Variants in UBE2O observed in about 807,000 individuals in gnomAD.
UBE2O encodes the protein (E3-independent) E2 ubiquitin-conjugating enzyme.
In UBE2O, 15 loss-of-function variants were observed where a neutral mutation model predicts 125.8. That is an observed-to-expected ratio of 0.12 (90% CI 0.08 to 0.18). UBE2O has a LOEUF of 0.18. UBE2O is among the 10% of genes least tolerant of loss of function. The pLI, the probability that UBE2O is intolerant of heterozygous loss-of-function variation, is 1.00. For missense variants in UBE2O, 1,280 were observed against 1,723.6 expected (o/e 0.74, Z 4.56); for synonymous variants, 708 against 703.2 (o/e 1.01, Z -0.11).
rs1258678533 is a variant in UBE2O at position 76,390,141 on chromosome 17, G to GC, written c.*801dup. Reference sequence around the variant, plus strand: ...AGTGTGACCATGTGATGGGGGAGGGGCCCTAGCACTTGCCCTGGCCTTGTG... The same window carrying GC: ...AGTGTGACCATGTGATGGGGGAGGGGCCCCTAGCACTTGCCCTGGCCTTGTG... On this transcript the variant is annotated 3_prime_UTR_variant, in exon 18 of 18. Coordinates refer to ENST00000319380, the MANE Select transcript of UBE2O (RefSeq NM_022066.4). The GC allele has an allele frequency of 2.0e-5, 3 of 152,754 alleles. No homozygotes were observed. The highest frequency in any genetic ancestry group is 7.2e-5 in the African/African-American group (3 of 41,582). 9.5% of individuals were successfully genotyped at this position (152,754 alleles called of 1,614,324 possible).
rs1326803461 is a variant in UBE2O at position 76,395,042 on chromosome 17, A to T, written c.2946+683T>A. Among the ~76,000 whole-genome samples the T allele has an allele frequency of 1.2e-5, 1 of 86,268 alleles. No individual in the cohort carries two copies. Among genetic ancestry groups the T allele is most frequent in the Non-Finnish European group, 2.7e-5 (1 of 36,760 alleles). The allele number at this position is 86,268 out of a possible 152,430, so 56.6% of individuals were successfully genotyped here. On this transcript the variant is annotated intron_variant, in intron 15 of 17. Coordinates refer to ENST00000319380, the MANE Select transcript of UBE2O (RefSeq NM_022066.4). The surrounding 1 kb of genome is among the most constrained non-coding windows in gnomAD (Gnocchi z 5.0). ...TGGCACCCGCCACCACATCCGGCTA[A>T]TTTTTGTATTTTTAGTAGAGACAGG...
At chr17:76,446,314 A>G (rs1242853491) in intron 1 of UBE2O, among the ~76,000 whole-genome samples, 1 of 152,200 alleles carries the variant, frequency 6.6e-6, no homozygotes, top group Non-Finnish European at 1.5e-5. Context: ...CTGGCAATTC[A>G]TGTTATACAC....
At chr17:76,435,799 G>T (rs964649501) in intron 1 of UBE2O, among the ~76,000 whole-genome samples, 2 of 152,162 alleles carry the variant, frequency 1.3e-5, no homozygotes, top group African/African-American at 4.8e-5. Context: ...TGAGCTGAAG[G>T]CACGACAGAC....
At position 76,403,918 on chromosome 17, in the gene UBE2O, G is replaced by A. The variant is rs933273983; in HGVS notation, c.589-1219C>T. Among the ~76,000 whole-genome samples, 8 of 152,098 alleles carry A rather than the reference G, an allele frequency of 5.3e-5. No individual in the cohort carries two copies. In the East Asian group the frequency reaches 1.4e-3, roughly 26 times the overall value. On this transcript the variant is annotated intron_variant, in intron 3 of 17. Transcript: ENST00000319380. ...AAGGGGTTCCCACTGGCTAAATCTG[G>A]GACCATCCAAGCAACAGAACAGATA...
chr17:76,413,969 T>G (rs2072557630), intron 1 of UBE2O, among the ~76,000 whole-genome samples: 1 of 152,216 alleles, frequency 6.6e-6, no homozygotes, highest in Admixed American at 6.5e-5. Flanking sequence ...GGACTGGATT[T>G]GAGGATGTGA....
chr17:76,413,554 CAT>C (rs1230953817), intron 1 of UBE2O, among the ~76,000 whole-genome samples: 2 of 152,164 alleles, frequency 1.3e-5, no homozygotes, highest in Admixed American at 1.3e-4. Context: ...CGTTCAGTTG[CAT>C]ATATAACACG....
At chr17:76,426,281 G>A (rs1433053179) in intron 1 of UBE2O, among the ~76,000 whole-genome samples, 2 of 152,170 alleles carry the variant, frequency 1.3e-5, no homozygotes, top group African/African-American at 2.4e-5. Context: ...GATTACAGGC[G>A]TGAACCACCA....
chr17:76,424,910 A>T lies in UBE2O; in HGVS notation c.418-19338T>A, dbSNP rs200616282. On this transcript the variant is annotated intron_variant, in intron 1 of 17. Transcript: ENST00000319380. ...GACAGAGTCTCGCCCTCACCCTGTC[A>T]CCCAGGCTGGAGTGCAGTGGCGCGA... Among the ~76,000 whole-genome samples, 8 of 145,716 alleles carry T rather than the reference A, an allele frequency of 5.5e-5. No homozygotes were observed. In the East Asian group the frequency reaches 1.6e-3, roughly 29 times the overall value.
intron 1 of UBE2O, among the ~76,000 whole-genome samples, chr17:76,426,623 A>G (rs2072815067): frequency 1.3e-5 from 2 of 152,214 alleles, no homozygotes; most frequent in South Asian, 4.1e-4. Context: ...GAACATGTCT[A>G]CTTGACTCAG....
At position 76,399,190 on chromosome 17, in the gene UBE2O, C is replaced by G; in HGVS notation, c.1629-199G>C. On this transcript the variant is annotated intron_variant, in intron 9 of 17. Coordinates refer to ENST00000319380, the MANE Select transcript of UBE2O (RefSeq NM_022066.4). The surrounding 1 kb of genome is among the most constrained non-coding windows in gnomAD (Gnocchi z 6.9). ...ACGCATTCTCTGAGAACAGGATCCA[C>G]TTGGGAGAGCTCAGGCAAATGTGGT... The G allele has an allele frequency of 5.1e-6, 4 of 778,712 alleles. No homozygotes were observed. Among genetic ancestry groups the G allele is most frequent in the Non-Finnish European group, 8.0e-6 (4 of 499,136 alleles). 48.2% of individuals were successfully genotyped at this position (778,712 alleles called of 1,614,324 possible).
chr17:76,438,482 C>T (rs769456504), intron 1 of UBE2O, among the ~76,000 whole-genome samples: 4 of 152,130 alleles, frequency 2.6e-5, no homozygotes, highest in East Asian at 1.9e-4. Context: ...CTCAGCTGTA[C>T]GTGCAAGGCT....
intron 15 of UBE2O, among the ~76,000 whole-genome samples, chr17:76,394,999 C>T (rs562658295): frequency 3.8e-4 from 57 of 151,916 alleles, no homozygotes; most frequent in African/African-American, 1.3e-3. Flanking sequence ...CCTCAGTCTC[C>T]CGAGTAGCTG....
In UBE2O at chr17:76,395,627, A is replaced by C; in HGVS notation, c.2946+98T>G. The C allele has an allele frequency of 6.9e-7, 1 of 1,456,734 alleles. No homozygotes were observed. Among genetic ancestry groups the C allele is most frequent in the Non-Finnish European group, 9.2e-7 (1 of 1,084,568 alleles). 90.2% of individuals were successfully genotyped at this position (1,456,734 alleles called of 1,614,324 possible). ...GTGGGTGAGTGTCCTCGCAGGTGCC[A>C]GTCAGCCCCGGAGGTTTGGGGACCC... On this transcript the variant is annotated intron_variant, in intron 15 of 17. Coordinates refer to ENST00000319380, the MANE Select transcript of UBE2O (RefSeq NM_022066.4). This position sits in a 1 kb window ranked among gnomAD's most constrained non-coding sequence, Gnocchi z 5.0.
At chr17:76,414,445 G>A (rs1567841984) in intron 1 of UBE2O, among the ~76,000 whole-genome samples, 1 of 152,224 alleles carries the variant, frequency 6.6e-6, no homozygotes, top group Non-Finnish European at 1.5e-5. Context: ...GCTGGGTGGG[G>A]AGACCAGAAA....
intron 1 of UBE2O, among the ~76,000 whole-genome samples, chr17:76,449,356 C>G (rs1029018097): frequency 6.6e-6 from 1 of 152,270 alleles, no homozygotes; most frequent in Non-Finnish European, 1.5e-5. Context: ...CGGTGAATCA[C>G]TTGAGGCCAG....
At chr17:76,420,882 A>AC (rs2072700076) in intron 1 of UBE2O, among the ~76,000 whole-genome samples, 1 of 151,248 alleles carries the variant, frequency 6.6e-6, no homozygotes, top group South Asian at 2.1e-4. Flanking sequence ...CTTGTCACTC[A>AC]CCCCCCTAGA....
Position 76,399,640 on chromosome 17 carries a change from G to A in UBE2O, c.1437C>T (p.Asp479=), listed in dbSNP as rs756288445. Reference sequence around the variant, plus strand: ...TGTCATCAGCAGCCTCATCATCTGCGTCCTGCTCTGCCGAGTGCAGCCTGT... The same window carrying A: ...TGTCATCAGCAGCCTCATCATCTGCATCCTGCTCTGCCGAGTGCAGCCTGT... ...RDDRLHSAEQ[D]ADDEAADDTD... The change falls in exon 9 of 18, where the codon GAC becomes GAT. Residue 479 remains aspartate (D), a synonymous_variant. Coordinates refer to ENST00000319380, the MANE Select transcript of UBE2O (RefSeq NM_022066.4). The surrounding 1 kb of genome is among the most constrained non-coding windows in gnomAD (Gnocchi z 6.9). 3.1e-6 allele frequency: 5 copies of A among 1,614,126 alleles called. No individual in the cohort carries two copies. Among genetic ancestry groups the A allele is most frequent in the East Asian group, 2.2e-5 (1 of 44,876 alleles).
At position 76,390,079 on chromosome 17, in the gene UBE2O, G is replaced by A. The variant is rs1043744505; in HGVS notation, c.*864C>T. The A allele has an allele frequency of 6.6e-6, 1 of 152,534 alleles. No individual in the cohort carries two copies. Among genetic ancestry groups the A allele is most frequent in the African/African-American group, 2.4e-5 (1 of 41,442 alleles). The allele number at this position is 152,534 out of a possible 1,614,324, so 9.4% of individuals were successfully genotyped here. On this transcript the variant is annotated 3_prime_UTR_variant, in exon 18 of 18. Coordinates refer to ENST00000319380, the MANE Select transcript of UBE2O (RefSeq NM_022066.4). ...AGGCCTTCTAGTCCAAGAGAGGGCT[G>A]GCTCGCTTGGAGTTCAGTGAGCTGC...
intron 1 of UBE2O, among the ~76,000 whole-genome samples, chr17:76,444,211 A>G (rs2073119539): frequency 6.6e-6 from 1 of 151,890 alleles, no homozygotes; most frequent in African/African-American, 2.4e-5. Context: ...ACAGACTGAG[A>G]CTCCATCTCA....
Sources: gnomAD v4.1 joint callset for allele counts (sites outside exome capture counted in the v4.1 genomes callset) on GRCh38, gnomAD v4.1.1 for gene constraint, Gnocchi (gnomAD v3.1) non-coding constraint, MANE v1.5 for transcripts, NCBI Gene and HGNC (gene_info 2026-07-23, HGNC 2026-07-21) for gene names.